Variants in FRY observed in about 807,000 individuals in gnomAD.
The protein encoded by FRY is protein furry homolog.
FRY carries 128 observed loss-of-function variants against 348.4 expected under a neutral mutation model. That is an observed-to-expected ratio of 0.37 (90% CI 0.32 to 0.43). FRY has a LOEUF of 0.43. FRY is among the 20% of genes least tolerant of loss of function. The pLI, the probability that FRY is intolerant of heterozygous loss-of-function variation, is 1.00. For synonymous variants in FRY, 1,370 were observed against 1,374.7 expected (o/e 1.00, Z 0.08); for missense variants, 2,736 against 3,695.2 (o/e 0.74, Z 6.73).
At chr13:32,122,366 C>T (rs1276176887) in intron 4 of FRY, among the ~76,000 whole-genome samples, 1 of 151,612 alleles carries the variant, frequency 6.6e-6, no homozygotes, top group Non-Finnish European at 1.5e-5. Context: ...TGGTGTGAAC[C>T]CGGGAGGCGG....
intron 50 of FRY, 135 bp downstream of exon 50, chr13:32,252,087 C>T: frequency 1.4e-6 from 1 of 718,786 alleles, no homozygotes; most frequent in Non-Finnish European, 2.6e-6. Context: ...TTGAGCAAAC[C>T]CCTGGACTAT....
intron 58 of FRY, among the ~76,000 whole-genome samples, chr13:32,278,824 T>G (rs1047772476): frequency 6.6e-6 from 1 of 152,202 alleles, no homozygotes; most frequent in African/African-American, 2.4e-5. Flanking sequence ...CCTAATAAAT[T>G]TATTCTTAAT....
intron 2 of FRY, among the ~76,000 whole-genome samples, chr13:32,090,317 T>C (rs1438954860): frequency 5.8e-5 from 7 of 120,750 alleles, no homozygotes; most frequent in Non-Finnish European, 7.9e-5. Context: ...CACTGCACTC[T>C]AGCAGCCTGG....
intron 48 of FRY, among the ~76,000 whole-genome samples, chr13:32,248,705 T>C (rs1041858977): frequency 1.3e-5 from 2 of 152,218 alleles, no homozygotes; most frequent in African/African-American, 4.8e-5. Flanking sequence ...ATATTTAATA[T>C]GTAAATAATA....
rs956232311 is a variant in FRY, at chr13:32,156,584, A to G, written c.1652-689A>G. On this transcript the variant is annotated intron_variant, in intron 15 of 60. Transcript: ENST00000542859. Reference sequence around the variant, plus strand: ...CCATTCCACTCCAGCCTGGGCAACAACAGTGAAGCTCCATCTCAAAAAAAA... The same window carrying G: ...CCATTCCACTCCAGCCTGGGCAACAGCAGTGAAGCTCCATCTCAAAAAAAA... 2.8e-5 allele frequency among the ~76,000 whole-genome samples: 4 copies of G among 141,948 alleles called. No individual in the cohort carries two copies. The East Asian group carries it at 8.6e-4, about 30-fold the overall frequency. The allele number at this position is 141,948 out of a possible 152,430, so 93.1% of individuals were successfully genotyped here. A position where few individuals can be genotyped will look rare whatever the true frequency, so the allele number is the denominator to read the frequency against.
At chr13:32,046,321 T>C (rs1873013933) in intron 1 of FRY, among the ~76,000 whole-genome samples, 1 of 152,208 alleles carries the variant, frequency 6.6e-6, no homozygotes, top group African/African-American at 2.4e-5. Flanking sequence ...AAGTTCTTGC[T>C]ATTGACCCAC....
At chr13:32,113,934 A>G (rs927117697) in intron 3 of FRY, among the ~76,000 whole-genome samples, 2 of 152,210 alleles carry the variant, frequency 1.3e-5, no homozygotes, top group Non-Finnish European at 2.9e-5. Flanking sequence ...CATGGAAAGT[A>G]TGCCCAGTAG....
At chr13:32,111,418 C>T (rs780168788) in intron 3 of FRY, among the ~76,000 whole-genome samples, 1 of 152,016 alleles carries the variant, frequency 6.6e-6, no homozygotes, top group African/African-American at 2.4e-5. Context: ...ATCACTTGAA[C>T]CTGGGAGGCA....
chr13:32,069,042 A>G (rs1017638074), intron 1 of FRY, among the ~76,000 whole-genome samples: 3 of 150,098 alleles, frequency 2.0e-5, no homozygotes, highest in African/African-American at 7.4e-5. Context: ...TCAGCCTCCC[A>G]AGTAGCTGGG....
chr13:32,277,454 C>G (rs868185854), intron 57 of FRY, among the ~76,000 whole-genome samples: 1 of 152,144 alleles, frequency 6.6e-6, no homozygotes, highest in Non-Finnish European at 1.5e-5. Context: ...TAAATTATAT[C>G]GTTTAATGCT....
chr13:32,218,864 GA>G (rs766429975), intron 36 of FRY, 33 bp downstream of exon 36: 2 of 1,207,326 alleles, frequency 1.7e-6, no homozygotes, highest in African/African-American at 3.0e-5. Flanking sequence ...CTTTCAGACG[GA>G]ACGCAAGTGG....
rs1254009650 is a variant in FRY at position 32,153,351 on chromosome 13, A to G, written c.1480-2140A>G. ...ATTGTGAATCATCAATACAATGGGT[A>G]CTATTTAGCAATAAAAATGCACAAA... On this transcript the variant is annotated intron_variant, in intron 14 of 60. Transcript: ENST00000542859. Among the ~76,000 whole-genome samples the G allele has an allele frequency of 2.0e-5, 3 of 152,210 alleles. No individual in the cohort carries two copies. In the East Asian group the frequency reaches 5.8e-4, roughly 29 times the overall value.
intron 29 of FRY, among the ~76,000 whole-genome samples, chr13:32,197,477 A>T (rs2138310082): frequency 6.6e-6 from 1 of 152,298 alleles, no homozygotes; most frequent in African/African-American, 2.4e-5. Flanking sequence ...AGAGTTGGGA[A>T]TCTGGGCTCC....
intron 8 of FRY, among the ~76,000 whole-genome samples, chr13:32,133,812 C>T (rs1390266749): frequency 4.0e-5 from 5 of 125,760 alleles, no homozygotes; most frequent in South Asian, 2.7e-4. Flanking sequence ...AGGGGTCTCA[C>T]TCTGTCACCC....
Position 32,237,931 on chromosome 13 carries a change from C to A in FRY, c.6363C>A (p.Phe2121Leu), listed in dbSNP as rs1384752345. The A allele has an allele frequency of 1.9e-6, 3 of 1,614,046 alleles. No individual in the cohort carries two copies. The Admixed American group carries it at 5.0e-5, about 27-fold the overall frequency. ...CCACAGACCTGACCCTGCAGCTCTT[C>A]AGTCTGCTGACACCAGTGTCCAAAA... The part of the protein sequence containing the change: ...LTTTDLTLQL[F>L]SLLTPVSKIS... The change falls in exon 44 of 61, where the codon TTC becomes TTA. Residue 2121 changes from phenylalanine to leucine, a missense_variant. Physicochemically the swap from Phe to Leu is conservative, Grantham distance 22. Transcript: ENST00000542859. This position sits in a 1 kb window ranked among gnomAD's most constrained non-coding sequence, Gnocchi z 6.3.
At chr13:32,183,090 T>A (rs1362726116) in intron 24 of FRY, 56 bp downstream of exon 24, 2 of 1,055,684 alleles carry the variant, frequency 1.9e-6, no homozygotes, top group Non-Finnish European at 3.0e-6. Flanking sequence ...TCATCTGAAT[T>A]TAAATCAAAC....
In FRY at chr13:32,190,067, G is replaced by A. The variant is rs939992210; in HGVS notation, c.3591+2411G>A. Among the ~76,000 whole-genome samples the A allele has an allele frequency of 3.3e-5, 5 of 151,680 alleles. 1 individual carries two copies. Among genetic ancestry groups the A allele is most frequent in the Middle Eastern group, 6.3e-3 (2 of 316 alleles). The stretch of plus-strand genomic sequence containing the variant: ...GAATCTCAAAAACATGATCTCAGAT[G>A]TACGAAAAGCATTTGTTAAAGTTCT... On this transcript the variant is annotated intron_variant, in intron 28 of 60. Coordinates refer to ENST00000542859, the MANE Select transcript of FRY (RefSeq NM_023037.3).
chr13:32,158,228 T>G (rs982672119), intron 16 of FRY, among the ~76,000 whole-genome samples: 1 of 152,218 alleles, frequency 6.6e-6, no homozygotes, highest in African/African-American at 2.4e-5. Context: ...TTTGGTAGAA[T>G]CTAAAGTTAA....
At position 32,117,482 on chromosome 13, in the gene FRY, C is replaced by G; in HGVS notation, c.464+9C>G. The G allele has an allele frequency of 6.2e-7, 1 of 1,612,058 alleles. No homozygotes were observed. Among genetic ancestry groups the G allele is most frequent in the Non-Finnish European group, 8.5e-7 (1 of 1,178,280 alleles). ...AGCAATAAATCAAAAAGGTACATTTCTTTTGTGTAAGGATCATGGTTTTAT... is the reference window on the plus strand; with the variant it reads ...AGCAATAAATCAAAAAGGTACATTTGTTTTGTGTAAGGATCATGGTTTTAT... On this transcript the variant is annotated intron_variant, in intron 4 of 60. Coordinates refer to ENST00000542859, the MANE Select transcript of FRY (RefSeq NM_023037.3).
Sources: allele counts gnomAD v4.1 joint callset (sites outside exome capture counted in the v4.1 genomes callset), GRCh38; gene constraint gnomAD v4.1.1; non-coding constraint Gnocchi (gnomAD v3.1); transcripts MANE v1.5; gene names NCBI Gene and HGNC (gene_info 2026-07-23, HGNC 2026-07-21).